Variants in GPBP1L1 observed in about 807,000 individuals in gnomAD.
The protein encoded by GPBP1L1 is GC-rich promoter binding protein 1 like 1, also known as vasculin-like protein 1.
Under a neutral mutation model 52.5 loss-of-function variants are expected in GPBP1L1, and 23 were observed. The ratio of observed to expected loss-of-function variants is 0.44; its 90% CI spans 0.32 to 0.62. GPBP1L1 has a LOEUF of 0.62. Ranked by LOEUF, GPBP1L1 falls within the 20% of genes least tolerant of loss-of-function variation. The pLI, the probability that GPBP1L1 is intolerant of heterozygous loss-of-function variation, is 0.06. For synonymous variants in GPBP1L1, 243 were observed against 203.1 expected (o/e 1.20, Z -1.67); for missense variants, 596 against 579.3 (o/e 1.03, Z -0.30).
intron 2 of GPBP1L1, among the ~76,000 whole-genome samples, chr1:45,665,071 C>T (rs1644993508): frequency 6.6e-6 from 1 of 151,614 alleles, no homozygotes; most frequent in Non-Finnish European, 1.5e-5. Context: ...GTTGGATCAC[C>T]TGAAATCAGG....
At chr1:45,654,418 ATAAAAACC>A (rs1455768312) in intron 6 of GPBP1L1, 117 bp downstream of exon 6, 4 of 1,004,090 alleles carry the variant, frequency 4.0e-6, no homozygotes, top group Non-Finnish European at 5.7e-6. Flanking sequence ...CTCTAAAACA[ATAAAAACC>A]TCAACTTACA....
At chr1:45,673,516 T>G (rs979260427) in intron 2 of GPBP1L1, among the ~76,000 whole-genome samples, 2 of 152,246 alleles carry the variant, frequency 1.3e-5, no homozygotes, top group African/African-American at 2.4e-5. Context: ...CTTACTTTGC[T>G]TGTCACCCAT....
At chr1:45,685,033 T>TG (rs1645262028) in intron 2 of GPBP1L1, among the ~76,000 whole-genome samples, 1 of 151,974 alleles carries the variant, frequency 6.6e-6, no homozygotes, top group African/African-American at 2.4e-5. Flanking sequence ...TTCCAATCTA[T>TG]GACTTTTTGT....
intron 6 of GPBP1L1, among the ~76,000 whole-genome samples, chr1:45,647,881 T>A (rs1475601246): frequency 2.0e-5 from 3 of 152,148 alleles, no homozygotes; most frequent in Admixed American, 2.0e-4. Context: ...TTGGACACAC[T>A]GTCTTAGCCC....
intron 2 of GPBP1L1, among the ~76,000 whole-genome samples, chr1:45,679,120 C>T (rs1461937481): frequency 6.6e-6 from 1 of 152,070 alleles, no homozygotes; most frequent in Admixed American, 6.5e-5. Context: ...CAGGCCTTAC[C>T]CCAGATAAAT....
At chr1:45,641,100 T>C (rs1394175949) in intron 7 of GPBP1L1, among the ~76,000 whole-genome samples, 2 of 151,974 alleles carry the variant, frequency 1.3e-5, no homozygotes, top group Admixed American at 6.6e-5. Context: ...TAATCAGGGA[T>C]TGGAGTCTGC....
intron 6 of GPBP1L1, among the ~76,000 whole-genome samples, chr1:45,644,581 G>GACAC (rs1172594592): frequency 1.3e-5 from 2 of 150,780 alleles, no homozygotes; most frequent in Non-Finnish European, 3.0e-5. Flanking sequence ...CTAACCCATT[G>GACAC]TGTCTCCCTT....
At chr1:45,642,351 A>G (rs1433760942) in intron 7 of GPBP1L1, 76 bp downstream of exon 7, 3 of 913,568 alleles carry the variant, frequency 3.3e-6, no homozygotes, top group Non-Finnish European at 5.4e-6. Flanking sequence ...ATAAAAAGAG[A>G]TAAGGAATCT....
upstream of GPBP1L1, chr1:45,687,874 G>C (rs1442845062): frequency 6.6e-6 from 1 of 152,182 alleles, no homozygotes; most frequent in Non-Finnish European, 1.5e-5. Context: ...TAAAACATAA[G>C]TCCCACAGAT....
At chr1:45,654,333 A>C in intron 6 of GPBP1L1, 1 of 441,330 alleles carries the variant, frequency 2.3e-6, no homozygotes, top group Non-Finnish European at 4.0e-6. Flanking sequence ...CAAAGACACA[A>C]AGATGAAAAA....
intron 2 of GPBP1L1, among the ~76,000 whole-genome samples, chr1:45,674,049 G>A (rs2148508624): frequency 6.6e-6 from 1 of 151,560 alleles, no homozygotes; most frequent in Admixed American, 6.6e-5. Flanking sequence ...TTGCACTCCA[G>A]CCTGTGTGAA....
rs565691808 is a variant in GPBP1L1 at position 45,682,253 on chromosome 1, CT to C, written c.-1098+3322del. On this transcript the variant is annotated intron_variant, in intron 2 of 12. Coordinates refer to ENST00000355105, the MANE Select transcript of GPBP1L1 (RefSeq NM_021639.5). ...AAGATAGCAATAATTCAGACAATAACTTTTTTATATACCAAACTTTTAAACT... is the reference window on the plus strand; with the variant it reads ...AAGATAGCAATAATTCAGACAATAACTTTTTATATACCAAACTTTTAAACT... Among the ~76,000 whole-genome samples the C allele has an allele frequency of 1.1e-4, 16 of 152,246 alleles. No individual in the cohort carries two copies. In the South Asian group the frequency reaches 2.1e-3, roughly 20 times the overall value.
At chr1:45,633,356 G>A (rs1644554369) in intron 10 of GPBP1L1, 133 bp downstream of exon 10, 1 of 840,308 alleles carries the variant, frequency 1.2e-6, no homozygotes, top group African/African-American at 1.7e-5. Flanking sequence ...GGTCTAGAAG[G>A]CAGTTACACC....
At chr1:45,636,285 TG>T (rs1644593214) in intron 8 of GPBP1L1, among the ~76,000 whole-genome samples, 1 of 152,194 alleles carries the variant, frequency 6.6e-6, no homozygotes, top group South Asian at 2.1e-4. Context: ...TTCTTTTCAA[TG>T]GATGTAAGTA....
chr1:45,642,696 T>C (rs1173333789), intron 6 of GPBP1L1, among the ~76,000 whole-genome samples, 197 bp from the exon 7 acceptor site: 1 of 152,250 alleles, frequency 6.6e-6, no homozygotes, highest in Non-Finnish European at 1.5e-5. Context: ...ATTATGTTAA[T>C]ATTAGGTTCT....
intron 7 of GPBP1L1, among the ~76,000 whole-genome samples, chr1:45,642,151 C>G (rs947811225): frequency 6.6e-6 from 1 of 152,174 alleles, no homozygotes; most frequent in Non-Finnish European, 1.5e-5. Context: ...AACAGACTAA[C>G]AAACACCACC....
At chr1:45,677,466 C>A (rs868159900) in intron 2 of GPBP1L1, among the ~76,000 whole-genome samples, 7 of 152,050 alleles carry the variant, frequency 4.6e-5, no homozygotes, top group Non-Finnish European at 8.8e-5. Context: ...CATGCCACTA[C>A]ACTCCAGCCT....
At chr1:45,667,582 CACTCATT>C (rs1488000864) in intron 2 of GPBP1L1, among the ~76,000 whole-genome samples, 1 of 152,192 alleles carries the variant, frequency 6.6e-6, no homozygotes, top group East Asian at 1.9e-4. Context: ...TGGCTTCAAC[CACTCATT>C]TTCTCCAGAG....
chr1:45,660,533 T>C lies in GPBP1L1; in HGVS notation c.-405A>G. The C allele has an allele frequency of 2.0e-6, 2 of 984,982 alleles. No homozygotes were observed. Among genetic ancestry groups the C allele is most frequent in the Non-Finnish European group, 2.4e-6 (2 of 829,516 alleles). 61.0% of individuals were successfully genotyped at this position (984,982 alleles called of 1,614,324 possible). On this transcript the variant is annotated 5_prime_UTR_variant, in exon 3 of 13. Transcript: ENST00000355105. Reference sequence around the variant, plus strand: ...TGAGTTATGGCACTATGATGTTGCTTAATTAGGTAAGACATGGATATTTGC... The same window carrying C: ...TGAGTTATGGCACTATGATGTTGCTCAATTAGGTAAGACATGGATATTTGC...
Sources: gnomAD v4.1 joint callset for allele counts (sites outside exome capture counted in the v4.1 genomes callset) on GRCh38, gnomAD v4.1.1 for gene constraint, MANE v1.5 for transcripts, NCBI Gene and HGNC (gene_info 2026-07-23, HGNC 2026-07-21) for gene names.